LUZP2: variants seen among roughly 807,000 people sequenced by gnomAD.
The protein encoded by LUZP2 is leucine zipper protein 2.
In LUZP2, 52 loss-of-function variants were observed where a neutral mutation model predicts 51.6. The observed-to-expected ratio is 1.01, with a 90% CI of 0.81 to 1.27. LUZP2 has a LOEUF of 1.27. Among genes scored for constraint, LUZP2 ranks in the 50% most tolerant of loss-of-function variants. The pLI, the probability that LUZP2 is intolerant of heterozygous loss-of-function variation, is 0.00. For missense variants in LUZP2, 436 were observed against 395.4 expected (o/e 1.10, Z -0.87); for synonymous variants, 154 against 137.3 (o/e 1.12, Z -0.85).
At chr11:24,606,779 G>A (rs192586998) in intron 1 of LUZP2, among the ~76,000 whole-genome samples, 4 of 151,936 alleles carry the variant, frequency 2.6e-5, no homozygotes, top group African/African-American at 4.8e-5. Flanking sequence ...CAATGTAAAG[G>A]TTCTTTTTTC....
intron 1 of LUZP2, among the ~76,000 whole-genome samples, chr11:24,550,139 A>G (rs1431929901): frequency 6.6e-6 from 1 of 152,078 alleles, no homozygotes; most frequent in Non-Finnish European, 1.5e-5. Flanking sequence ...GTACAGTAAC[A>G]TGTCAATCTC....
chr11:24,943,196 C>T (rs964523136), intron 7 of LUZP2, among the ~76,000 whole-genome samples: 1 of 152,108 alleles, frequency 6.6e-6, no homozygotes, highest in African/African-American at 2.4e-5. Flanking sequence ...TCTGGGTTTG[C>T]CGCTGAATAG....
chr11:25,055,359 G>T (rs1284318374), intron 10 of LUZP2, among the ~76,000 whole-genome samples: 1 of 151,904 alleles, frequency 6.6e-6, no homozygotes, highest in Non-Finnish European at 1.5e-5. Context: ...GTTTTTCAGG[G>T]TACAAGTCTT....
intron 1 of LUZP2, among the ~76,000 whole-genome samples, chr11:24,711,682 C>T (rs1009383257): frequency 3.3e-5 from 5 of 151,942 alleles, no homozygotes; most frequent in African/African-American, 9.7e-5. Flanking sequence ...ATACACACAC[C>T]GTCACACATA....
intron 1 of LUZP2, among the ~76,000 whole-genome samples, chr11:24,607,369 T>C (rs923659326): frequency 2.5e-4 from 30 of 119,730 alleles, no homozygotes; most frequent in African/African-American, 1.0e-3. Flanking sequence ...TTTTTTTTTT[T>C]TGCTTGTGGA....
intron 1 of LUZP2, among the ~76,000 whole-genome samples, chr11:24,677,384 C>T (rs1856593971): frequency 6.6e-6 from 1 of 152,182 alleles, no homozygotes. Context: ...CTTGTCTGAC[C>T]TTCCAACTCA....
At chr11:24,859,002 C>G (rs1217400886) in intron 5 of LUZP2, among the ~76,000 whole-genome samples, 1 of 152,128 alleles carries the variant, frequency 6.6e-6, no homozygotes, top group African/African-American at 2.4e-5. Context: ...GTATCTACCT[C>G]CACTCCAAGC....
intron 5 of LUZP2, among the ~76,000 whole-genome samples, chr11:24,811,997 G>A (rs546717737): frequency 4.2e-4 from 64 of 152,206 alleles, no homozygotes; most frequent in African/African-American, 1.3e-3. Flanking sequence ...GTGGTTGAAG[G>A]AAGAGAAAGT....
intron 7 of LUZP2, among the ~76,000 whole-genome samples, chr11:24,941,239 T>C (rs1251623777): frequency 2.0e-5 from 3 of 152,144 alleles, no homozygotes; most frequent in Non-Finnish European, 4.4e-5. Context: ...CATAGTTAGG[T>C]TTTACTTATT....
At chr11:24,887,869 T>C (rs2133750465) in intron 5 of LUZP2, among the ~76,000 whole-genome samples, 1 of 152,286 alleles carries the variant, frequency 6.6e-6, no homozygotes, top group South Asian at 2.1e-4. Flanking sequence ...TTTAGGAAGT[T>C]CCAAAATAGT....
At chr11:24,929,485 A>G (rs2133831433) in intron 7 of LUZP2, among the ~76,000 whole-genome samples, 1 of 152,222 alleles carries the variant, frequency 6.6e-6, no homozygotes, top group Non-Finnish European at 1.5e-5. Flanking sequence ...CCCAGTGATC[A>G]TTGAGGAGTA....
At chr11:24,642,985 A>T (rs1348179243) in intron 1 of LUZP2, among the ~76,000 whole-genome samples, 7 of 152,084 alleles carry the variant, frequency 4.6e-5, no homozygotes, top group African/African-American at 1.7e-4. Flanking sequence ...TTGAGAAAGG[A>T]TGTAGAGAAG....
At chr11:24,681,885 TA>T (rs907438440) in intron 1 of LUZP2, among the ~76,000 whole-genome samples, 1 of 152,018 alleles carries the variant, frequency 6.6e-6, no homozygotes, top group Non-Finnish European at 1.5e-5. Context: ...ATTTTTGAAA[TA>T]AAAAAAATCA....
chr11:24,991,040 T>C (rs1353431373), intron 9 of LUZP2, among the ~76,000 whole-genome samples: 1 of 151,980 alleles, frequency 6.6e-6, no homozygotes, highest in Non-Finnish European at 1.5e-5. Context: ...TCTTTAGCAG[T>C]GATTTGTGAG....
intron 9 of LUZP2, among the ~76,000 whole-genome samples, chr11:25,011,729 T>C (rs1015719162): frequency 7.2e-5 from 11 of 152,106 alleles, no homozygotes; most frequent in Non-Finnish European, 1.2e-4. Flanking sequence ...ATTTTACATA[T>C]TTATGAGGCA....
chr11:25,024,771 T>C (rs548043615), intron 9 of LUZP2, among the ~76,000 whole-genome samples: 2 of 150,526 alleles, frequency 1.3e-5, no homozygotes, highest in East Asian at 1.9e-4. Context: ...CCAATGACTT[T>C]CTTCACAGAA....
At chr11:24,902,800 T>C (rs1853320808) in intron 5 of LUZP2, among the ~76,000 whole-genome samples, 1 of 152,190 alleles carries the variant, frequency 6.6e-6, no homozygotes, top group Non-Finnish European at 1.5e-5. Context: ...TAGTATTTGC[T>C]ATAATTTATA....
intron 9 of LUZP2, among the ~76,000 whole-genome samples, chr11:24,998,303 T>A (rs992726945): frequency 6.6e-6 from 1 of 152,170 alleles, no homozygotes; most frequent in African/African-American, 2.4e-5. Flanking sequence ...CATTGAGCAG[T>A]GGTTTGTAGT....
At chr11:24,857,292 T>C (rs200769628) in intron 5 of LUZP2, among the ~76,000 whole-genome samples, 1 of 78,834 alleles carries the variant, frequency 1.3e-5, no homozygotes, top group Admixed American at 1.5e-4. Context: ...TATATATACA[T>C]ATATATATAT....
Sources: gnomAD v4.1 joint callset for allele counts (sites outside exome capture counted in the v4.1 genomes callset) on GRCh38, gnomAD v4.1.1 for gene constraint, MANE v1.5 for transcripts, NCBI Gene and HGNC (gene_info 2026-07-23, HGNC 2026-07-21) for gene names.